PLCXD3: variants seen among roughly 807,000 people sequenced by gnomAD.
PLCXD3 encodes the protein phosphatidylinositol specific phospholipase C X domain containing 3.
A neutral mutation model predicts 25.5 loss-of-function variants in PLCXD3; 19 were observed. That is an observed-to-expected ratio of 0.75 (90% CI 0.52 to 1.09). PLCXD3 has a LOEUF of 1.09. PLCXD3 is among the 50% of genes least tolerant of loss of function. PLCXD3 has a pLI of 0.00. For synonymous variants in PLCXD3, 174 were observed against 137.6 expected, an observed-to-expected ratio of 1.26 and a Z score of -1.85; for missense variants, 411 against 388.1, an observed-to-expected ratio of 1.06 and a Z score of -0.50.
In PLCXD3 at chr5:41,445,327, T is replaced by C. The variant is rs148532664; in HGVS notation, c.104-62793A>G. On this transcript the variant is annotated intron_variant, in intron 1 of 2. Transcript: ENST00000377801. The stretch of plus-strand genomic sequence containing the variant: ...ATTAAGGAAGGGCACATAAGTCAGA[T>C]CTTCCTGGCTTCAAAATCAGAAATT... Among the ~76,000 whole-genome samples, 16 of 152,342 alleles carry C rather than the reference T, an allele frequency of 1.1e-4. No individual in the cohort carries two copies. The East Asian group carries it at 1.7e-3, about 17-fold the overall frequency.
At chr5:41,411,532 GATA>G (rs1746519151) in intron 1 of PLCXD3, among the ~76,000 whole-genome samples, 1 of 152,176 alleles carries the variant, frequency 6.6e-6, no homozygotes, top group African/African-American at 2.4e-5. Context: ...GCAGAGCTGG[GATA>G]ATAAGAAATG....
intron 2 of PLCXD3, among the ~76,000 whole-genome samples, chr5:41,364,291 C>T (rs930100555): frequency 3.9e-5 from 6 of 152,160 alleles, no homozygotes; most frequent in African/African-American, 1.4e-4. Flanking sequence ...GATAAGAATT[C>T]TCACCCTCAG....
intron 1 of PLCXD3, among the ~76,000 whole-genome samples, chr5:41,489,949 T>A (rs1748617757): frequency 6.6e-6 from 1 of 151,974 alleles, no homozygotes; most frequent in Admixed American, 6.6e-5. Context: ...CTAATTGCCC[T>A]GGCCAGAACT....
At chr5:41,461,816 C>T (rs77966290) in intron 1 of PLCXD3, among the ~76,000 whole-genome samples, 4,403 of 152,004 alleles carry the variant, frequency 0.029, 67 homozygotes, top group Non-Finnish European at 0.043. Context: ...CACCTCAGCC[C>T]CCTCACTCCC....
Position 41,499,999 on chromosome 5 carries a change from A to C in PLCXD3, c.103+10425T>G, listed in dbSNP as rs1308154151. On this transcript the variant is annotated intron_variant, in intron 1 of 2. Transcript: ENST00000377801. ...TGTAAATTAGTACAGCCTCTATGGG[A>C]AATAGTATGGCTATTTCTCAAAGAA... Among the ~76,000 whole-genome samples the C allele has an allele frequency of 4.0e-5, 6 of 151,840 alleles. No homozygotes were observed. The South Asian group carries it at 6.2e-4, about 16-fold the overall frequency.
chr5:41,486,406 G>A (rs547336537), intron 1 of PLCXD3, among the ~76,000 whole-genome samples: 3 of 151,930 alleles, frequency 2.0e-5, no homozygotes, highest in Non-Finnish European at 4.4e-5. Flanking sequence ...CACTCTCTCT[G>A]GGTACCTCAT....
At chr5:41,393,797 G>A (rs1053013127) in intron 1 of PLCXD3, among the ~76,000 whole-genome samples, 2 of 152,048 alleles carry the variant, frequency 1.3e-5, no homozygotes, top group East Asian at 1.9e-4. Context: ...GGGCATGGTG[G>A]TGGACACCTG....
chr5:41,479,102 A>G (rs948670507), intron 1 of PLCXD3, among the ~76,000 whole-genome samples: 1 of 152,212 alleles, frequency 6.6e-6, no homozygotes, highest in Non-Finnish European at 1.5e-5. Flanking sequence ...TGACAGAAGA[A>G]TGGGTAAACA....
At chr5:41,443,020 C>A (rs962905322) in intron 1 of PLCXD3, among the ~76,000 whole-genome samples, 1 of 149,622 alleles carries the variant, frequency 6.7e-6, no homozygotes, top group African/African-American at 2.4e-5. Context: ...TAACATTTGT[C>A]CATATATATG....
At chr5:41,401,599 T>C (rs1211683969) in intron 1 of PLCXD3, among the ~76,000 whole-genome samples, 1 of 152,058 alleles carries the variant, frequency 6.6e-6, no homozygotes, top group Non-Finnish European at 1.5e-5. Flanking sequence ...TAGGCAGCCT[T>C]TCAGATGGCT....
At chr5:41,509,601 A>G (rs1481358231) in intron 1 of PLCXD3, among the ~76,000 whole-genome samples, 1 of 152,140 alleles carries the variant, frequency 6.6e-6, no homozygotes, top group Non-Finnish European at 1.5e-5. Flanking sequence ...ACACATTCTC[A>G]GTCACCTTTT....
chr5:41,496,373 C>A (rs1322061849), intron 1 of PLCXD3, among the ~76,000 whole-genome samples: 1 of 151,876 alleles, frequency 6.6e-6, no homozygotes, highest in African/African-American at 2.4e-5. Flanking sequence ...AAGCCCAAAT[C>A]TGAGGAACTC....
chr5:41,440,385 T>G (rs318064), intron 1 of PLCXD3, among the ~76,000 whole-genome samples: 1 of 151,190 alleles, frequency 6.6e-6, no homozygotes, highest in Non-Finnish European at 1.5e-5. Flanking sequence ...GGTGCCTGCC[T>G]CCATGCCTGG....
At chr5:41,492,080 T>A (rs1460333554) in intron 1 of PLCXD3, among the ~76,000 whole-genome samples, 1 of 152,252 alleles carries the variant, frequency 6.6e-6, no homozygotes, top group Non-Finnish European at 1.5e-5. Context: ...TACTGGTTGT[T>A]CCTTTCCATG....
intron 2 of PLCXD3, among the ~76,000 whole-genome samples, chr5:41,324,260 G>T (rs187655561): frequency 6.6e-6 from 1 of 152,310 alleles, no homozygotes; most frequent in Admixed American, 6.5e-5. Flanking sequence ...AGCTGAGTGA[G>T]ATTTAAGCAG....
chr5:41,418,438 T>C (rs1424401182), intron 1 of PLCXD3, among the ~76,000 whole-genome samples: 1 of 152,186 alleles, frequency 6.6e-6, no homozygotes, highest in Non-Finnish European at 1.5e-5. Context: ...CAGCCTTATG[T>C]GAAAGCAGAG....
At chr5:41,493,286 C>T (rs1318206704) in intron 1 of PLCXD3, among the ~76,000 whole-genome samples, 1 of 152,174 alleles carries the variant, frequency 6.6e-6, no homozygotes, top group Non-Finnish European at 1.5e-5. Flanking sequence ...GATCGTTCCT[C>T]TGGGAGTTTT....
intron 2 of PLCXD3, among the ~76,000 whole-genome samples, chr5:41,372,435 C>G (rs934812636): frequency 6.6e-6 from 1 of 151,784 alleles, no homozygotes; most frequent in African/African-American, 2.4e-5. Context: ...AATTGCTTGC[C>G]TGTATTTAAA....
intron 1 of PLCXD3, among the ~76,000 whole-genome samples, chr5:41,394,081 A>G (rs917172746): frequency 3.9e-5 from 6 of 152,168 alleles, no homozygotes; most frequent in African/African-American, 1.2e-4. Context: ...TAACTACAAC[A>G]ATGTTTCAAG....
Sources: allele counts gnomAD v4.1 joint callset (sites outside exome capture counted in the v4.1 genomes callset), GRCh38; gene constraint gnomAD v4.1.1; transcripts MANE v1.5; gene names NCBI Gene and HGNC (gene_info 2026-07-23, HGNC 2026-07-21).